The following SCG3 variants were observed in gnomAD, a reference collection of about 807,000 sequenced individuals.
SCG3 encodes the protein secretogranin-3.
A neutral mutation model predicts 56.2 loss-of-function variants in SCG3; 38 were observed. The observed-to-expected ratio is 0.68, with a 90% confidence interval of 0.52 to 0.89. The LOEUF (loss-of-function observed/expected upper bound fraction) is 0.89. SCG3 is among the 40% of genes least tolerant of loss of function. The pLI, the probability that SCG3 is intolerant of heterozygous loss-of-function variation, is 0.00. For synonymous variants in SCG3, 176 were observed against 184.2 expected (o/e 0.96, Z 0.36); for missense variants, 524 against 540.7 (o/e 0.97, Z 0.31).
At chr15:51,683,584 C>A in intron 4 of SCG3, 150 bp downstream of exon 4, 1 of 510,504 alleles carries the variant, frequency 2.0e-6, no homozygotes, top group Non-Finnish European at 3.4e-6. Context: ...TTACTGATAA[C>A]ATGTAGAGCC....
In SCG3 at chr15:51,718,296, A is replaced by G. The variant is rs114604170; in HGVS notation, c.1289-1112A>G. Among the ~76,000 whole-genome samples the G allele has an allele frequency of 6.1e-3, 925 of 152,190 alleles. 10 individuals are homozygous for G. The highest frequency in any genetic ancestry group is 0.021 in the African/African-American group (872 of 41,506). On this transcript the variant is annotated intron_variant, in intron 11 of 11. Coordinates refer to ENST00000220478, the MANE Select transcript of SCG3 (RefSeq NM_013243.4). ...GGGGGCAATTAAGGTGATGGCTGTA[A>G]AGTGTCCAGTGCTGGGATTTCCCTT...
chr15:51,717,865 A>G (rs575120686), intron 11 of SCG3, among the ~76,000 whole-genome samples: 1 of 152,314 alleles, frequency 6.6e-6, no homozygotes, highest in East Asian at 1.9e-4. Flanking sequence ...GTGATTGGAC[A>G]AAAAGGACAT....
chr15:51,710,725 A>G (rs968811300), intron 10 of SCG3, among the ~76,000 whole-genome samples: 2 of 148,592 alleles, frequency 1.3e-5, no homozygotes, highest in Non-Finnish European at 3.0e-5. Context: ...AGCTGGGACT[A>G]CAGATGCACA....
At position 51,683,317 on chromosome 15, in the gene SCG3, A is replaced by G; in HGVS notation, c.280A>G (p.Ile94Val). The stretch of plus-strand genomic sequence containing the variant: ...AAAAATTGAGAAAGAAAGACAATCT[A>G]TAAGAAGCTCCCCACTTGATAATAA... ...KEKIEKERQS[I>V]RSSPLDNKLN... Residue 94 changes from isoleucine to valine, a missense_variant, in exon 4 of 12, where the codon ATA (isoleucine) becomes GTA (valine). Physicochemically the swap from Ile to Val is conservative, Grantham distance 29 (BLOSUM62 3). Coordinates refer to ENST00000220478, the MANE Select transcript of SCG3 (RefSeq NM_013243.4). 6.2e-7 allele frequency: 1 copy of G among 1,613,660 alleles called. No individual in the cohort carries two copies. Among genetic ancestry groups the G allele is most frequent in the South Asian group, 1.1e-5 (1 of 91,066 alleles).
chr15:51,698,363 T>A (rs995118401), intron 8 of SCG3, among the ~76,000 whole-genome samples: 6 of 152,152 alleles, frequency 3.9e-5, no homozygotes, highest in African/African-American at 1.4e-4. Context: ...TAGACTCCTG[T>A]CTAGTAACAC....
rs1349714603 is a variant in SCG3, at chr15:51,719,721, G to A, written c.*195G>A. 1 of 553,656 alleles carries A rather than the reference G, an allele frequency of 1.8e-6. No homozygotes were observed. The highest frequency in any genetic ancestry group is 3.4e-5 in the Admixed American group (1 of 29,788). The allele number at this position is 553,656 out of a possible 1,614,324, so 34.3% of individuals were successfully genotyped here. On this transcript the variant is annotated 3_prime_UTR_variant, in exon 12 of 12. Transcript: ENST00000220478. ...AAACTATCTGAAAGTAAAGTTGTAT[G>A]TAAGCTGAGATTTTGTATACAGAAT...
chr15:51,692,318 C>T lies in SCG3; in HGVS notation c.850C>T (p.Leu284=). 2 of 1,613,540 alleles carry T rather than the reference C, an allele frequency of 1.2e-6. No homozygotes were observed. Among genetic ancestry groups the T allele is most frequent in the Non-Finnish European group, 8.5e-7 (1 of 1,179,740 alleles). ...ATATTTCCCAAATTTCTATGCGCTA[C>T]TGAAAAGTATTGATTCAGGTAACCA... is the stretch of plus-strand genomic sequence containing the variant. The part of the protein sequence containing the change: ...LQYFPNFYAL[L]KSIDSEKEAK... The change falls in exon 7 of 12, where the codon CTG becomes TTG. Residue 284 remains leucine (L), a synonymous_variant. Coordinates refer to ENST00000220478, the MANE Select transcript of SCG3 (RefSeq NM_013243.4).
At chr15:51,686,130 G>T (rs982181896) in intron 4 of SCG3, among the ~76,000 whole-genome samples, 1 of 152,196 alleles carries the variant, frequency 6.6e-6, no homozygotes, top group African/African-American at 2.4e-5. Flanking sequence ...CAAAAGTTAT[G>T]TGTTAAACCC....
At chr15:51,715,987 A>G (rs1384586704) in intron 11 of SCG3, among the ~76,000 whole-genome samples, 2 of 151,844 alleles carry the variant, frequency 1.3e-5, no homozygotes, top group African/African-American at 4.8e-5. Flanking sequence ...CCTCCCAAGT[A>G]GTTGGGACTA....
intron 10 of SCG3, among the ~76,000 whole-genome samples, chr15:51,711,135 A>C (rs1031764879): frequency 6.6e-6 from 1 of 152,246 alleles, no homozygotes; most frequent in African/African-American, 2.4e-5. Flanking sequence ...ATGCCTAAGG[A>C]ACAAGGAAGC....
chr15:51,689,820 G>T (rs1331060165), intron 6 of SCG3, among the ~76,000 whole-genome samples: 1 of 151,660 alleles, frequency 6.6e-6, no homozygotes, highest in Non-Finnish European at 1.5e-5. Context: ...TTAAAAATAT[G>T]TATATACATA....
chr15:51,691,883 G>T (rs1011851393), intron 6 of SCG3, among the ~76,000 whole-genome samples: 4 of 150,768 alleles, frequency 2.7e-5, no homozygotes, highest in Non-Finnish European at 5.9e-5. Context: ...AACATGGCCA[G>T]AGAAAGAGCC....
In SCG3 at chr15:51,681,663, T is replaced by G. The variant is rs2055194857; in HGVS notation, c.-93T>G. On this transcript the variant is annotated 5_prime_UTR_variant, in exon 1 of 12. Transcript: ENST00000220478. Reference sequence around the variant, plus strand: ...CCCGCCCCACACCCACCCTCCTGGCTCTTCCTGTTTTTACTCCTCCTTTTC... The same window carrying G: ...CCCGCCCCACACCCACCCTCCTGGCGCTTCCTGTTTTTACTCCTCCTTTTC... 1.3e-5 allele frequency: 6 copies of G among 447,784 alleles called. No homozygotes were observed. Among genetic ancestry groups the G allele is most frequent in the Admixed American group, 2.4e-5 (1 of 41,668 alleles). 27.7% of individuals were successfully genotyped at this position (447,784 alleles called of 1,614,324 possible). A position where few individuals can be genotyped will look rare whatever the true frequency, so the allele number is the denominator to read the frequency against.
At chr15:51,704,682 T>G (rs183633606) in intron 10 of SCG3, among the ~76,000 whole-genome samples, 139 of 149,828 alleles carry the variant, frequency 9.3e-4, no homozygotes, top group African/African-American at 3.2e-3. Context: ...AATACTCCAT[T>G]GTATGTATAA....
chr15:51,682,562 A>G lies in SCG3; in HGVS notation c.128A>G (p.Asn43Ser). 1 of 1,426,136 alleles carries G rather than the reference A, an allele frequency of 7.0e-7. No individual in the cohort carries two copies. Among genetic ancestry groups the G allele is most frequent in the African/African-American group, 1.5e-5 (1 of 66,338 alleles). The allele number at this position is 1,426,136 out of a possible 1,614,324, so 88.3% of individuals were successfully genotyped here. ...GAATTAAGTGCAGAAAGACCTTTGA[A>G]TGAACAGGTAGGTCAAAAGTAACAT... is the stretch of plus-strand genomic sequence containing the variant. Reference protein sequence around the residue: ...NRELSAERPLNEQIAEAEEDK... With the variant: ...NRELSAERPLSEQIAEAEEDK... Residue 43 changes from asparagine to serine, a missense_variant, in exon 2 of 12, where the codon AAT becomes AGT. By Grantham distance (46) the Asn-to-Ser change is conservative. Coordinates refer to ENST00000220478, the MANE Select transcript of SCG3 (RefSeq NM_013243.4).
Position 51,695,939 on chromosome 15 carries a change from G to C in SCG3, c.933G>C (p.Lys311Asn). The part of the protein sequence containing the change: ...TIMKTLIDFV[K>N]MMVKYGTISP... Reference sequence around the variant, plus strand: ...TGAAAACACTGATTGACTTTGTGAAGATGATGGTGAAATATGGAACAATAT... The same window carrying C: ...TGAAAACACTGATTGACTTTGTGAACATGATGGTGAAATATGGAACAATAT... The change falls in exon 8 of 12, where the codon AAG becomes AAC. Residue 311 changes from lysine to asparagine, a missense_variant. Transcript: ENST00000220478. 2 of 1,610,442 alleles carry C rather than the reference G, an allele frequency of 1.2e-6. No individual in the cohort carries two copies. The highest frequency in any genetic ancestry group is 1.7e-6 in the Non-Finnish European group (2 of 1,176,936).
In SCG3 at chr15:51,691,354, T is replaced by C. The variant is rs2055265978; in HGVS notation, c.691-805T>C. On this transcript the variant is annotated intron_variant, in intron 6 of 11. Coordinates refer to ENST00000220478, the MANE Select transcript of SCG3 (RefSeq NM_013243.4). Reference sequence around the variant, plus strand: ...CCTGAAGAATTTTAAGCAAAGGAGTTACATGATCAGATTGTTAAAAAGATA... The same window carrying C: ...CCTGAAGAATTTTAAGCAAAGGAGTCACATGATCAGATTGTTAAAAAGATA... 2.6e-5 allele frequency among the ~76,000 whole-genome samples: 4 copies of C among 152,336 alleles called. No homozygotes were observed. The South Asian group carries it at 8.3e-4, about 32-fold the overall frequency.
intron 11 of SCG3, among the ~76,000 whole-genome samples, chr15:51,716,553 C>G (rs990756653): frequency 1.3e-5 from 2 of 152,322 alleles, no homozygotes; most frequent in Non-Finnish European, 2.9e-5. Context: ...TAACTTACCC[C>G]CTTTTCTGTT....
chr15:51,715,757 G>A (rs2055450664), intron 11 of SCG3, among the ~76,000 whole-genome samples: 1 of 151,954 alleles, frequency 6.6e-6, no homozygotes, highest in South Asian at 2.1e-4. Flanking sequence ...TAATAGCCGT[G>A]TCATAAAGAT....
Sources: gnomAD v4.1 joint callset for allele counts (sites outside exome capture counted in the v4.1 genomes callset) on GRCh38, gnomAD v4.1.1 for gene constraint, MANE v1.5 for transcripts, NCBI Gene and HGNC (gene_info 2026-07-23, HGNC 2026-07-21) for gene names.